The following PLEKHA7 variants were observed in gnomAD, a reference collection of about 807,000 sequenced individuals.
The protein encoded by PLEKHA7 is pleckstrin homology domain containing A7, also known as pleckstrin homology domain-containing family A member 7.
Under a neutral mutation model 170.0 loss-of-function variants are expected in PLEKHA7, and 104 were observed. The observed-to-expected ratio is 0.61, with a 90% CI of 0.52 to 0.72. The LOEUF is 0.72. Ranked by LOEUF, PLEKHA7 falls within the 30% of genes least tolerant of loss-of-function variation. The pLI is 0.00. For synonymous variants in PLEKHA7, 648 were observed against 660.8 expected, an observed-to-expected ratio of 0.98 and a Z score of 0.30; for missense variants, 1,615 against 1,671.7, an observed-to-expected ratio of 0.97 and a Z score of 0.59.
At position 16,841,590 on chromosome 11, in the gene PLEKHA7, T is replaced by C. The variant is rs1162447999; in HGVS notation, c.829A>G (p.Met277Val). 6 of 1,613,896 alleles carry C rather than the reference T, an allele frequency of 3.7e-6. No homozygotes were observed. The highest frequency in any genetic ancestry group is 1.3e-5 in the African/African-American group (1 of 74,918). The change falls in exon 9 of 27, where the codon ATG (methionine) becomes GTG (valine). Residue 277 changes from methionine to valine, a missense_variant. Met to Val is a conservative substitution (Grantham distance 21). Transcript: ENST00000531066. ...GACAGCACCTGTGCAGCCTGGTTCA[T>C]GGCCCTGACCCAAGCGTTCATGTCC... is the stretch of plus-strand genomic sequence containing the variant. Reference protein sequence around the residue: ...QEDMNAWVRAMNQAAQVLSRS... With the variant: ...QEDMNAWVRAVNQAAQVLSRS...
intron 3 of PLEKHA7, among the ~76,000 whole-genome samples, chr11:16,971,656 A>C (rs1418014767): frequency 1.3e-5 from 2 of 152,238 alleles, no homozygotes; most frequent in Non-Finnish European, 2.9e-5. Flanking sequence ...AACCCAAGAA[A>C]GGTCAGGGCA....
chr11:16,873,141 C>T (rs1224277825), intron 3 of PLEKHA7, among the ~76,000 whole-genome samples: 1 of 152,170 alleles, frequency 6.6e-6, no homozygotes, highest in Admixed American at 6.5e-5. Flanking sequence ...ATCAATAGAT[C>T]ATCTCAGTTG....
intron 9 of PLEKHA7, among the ~76,000 whole-genome samples, chr11:16,834,425 G>A (rs980281903): frequency 4.6e-5 from 7 of 152,312 alleles, no homozygotes; most frequent in Middle Eastern, 3.4e-3. Flanking sequence ...GGCAAGAGAT[G>A]AACCAAAGGT....
At chr11:16,994,565 C>T (rs1411693383) in intron 3 of PLEKHA7, among the ~76,000 whole-genome samples, 1 of 152,118 alleles carries the variant, frequency 6.6e-6, no homozygotes, top group South Asian at 2.1e-4. Flanking sequence ...ACCTTCCTCC[C>T]GTACAGCCTC....
intron 7 of PLEKHA7, 83 bp from the exon 8 acceptor site, chr11:16,851,374 C>G (rs1852940054): frequency 1.0e-6 from 1 of 962,710 alleles, no homozygotes; most frequent in Non-Finnish European, 1.5e-6. Context: ...GAACTTCAGC[C>G]AAGTTGTTTC....
intron 3 of PLEKHA7, among the ~76,000 whole-genome samples, chr11:16,895,379 C>T (rs975608429): frequency 6.6e-6 from 1 of 152,218 alleles, no homozygotes; most frequent in Non-Finnish European, 1.5e-5. Flanking sequence ...GAGCACAAAG[C>T]ATCCTCGACT....
chr11:16,933,087 C>A (rs1860055370), intron 3 of PLEKHA7, among the ~76,000 whole-genome samples: 1 of 152,132 alleles, frequency 6.6e-6, no homozygotes, highest in African/African-American at 2.4e-5. Flanking sequence ...GAGGATGGCC[C>A]GGGGATTAAG....
chr11:16,928,214 G>A lies in PLEKHA7; in HGVS notation c.222-57032C>T, dbSNP rs1487389223. On this transcript the variant is annotated intron_variant, in intron 3 of 26. Transcript: ENST00000531066. ...TCCTAGCACTTTGGGCATTGCTGAG[G>A]TGGGAGGATCTCTTGAGCCCAGGAG... Among the ~76,000 whole-genome samples, 8 of 152,154 alleles carry A rather than the reference G, an allele frequency of 5.3e-5. No individual in the cohort carries two copies. The East Asian group carries it at 1.2e-3, about 22-fold the overall frequency.
At chr11:16,845,977 G>A (rs1345537875) in intron 8 of PLEKHA7, among the ~76,000 whole-genome samples, 2 of 152,066 alleles carry the variant, frequency 1.3e-5, no homozygotes, top group Non-Finnish European at 2.9e-5. Flanking sequence ...AGGTAGTGGC[G>A]ACCATTTATT....
intron 3 of PLEKHA7, among the ~76,000 whole-genome samples, chr11:16,904,322 A>T (rs538691252): frequency 1.3e-5 from 2 of 152,298 alleles, no homozygotes; most frequent in East Asian, 3.9e-4. Flanking sequence ...GTACTTCCAA[A>T]GACTATTTCT....
chr11:16,923,382 G>C (rs1050286443), intron 3 of PLEKHA7, among the ~76,000 whole-genome samples: 1 of 152,190 alleles, frequency 6.6e-6, no homozygotes, highest in Non-Finnish European at 1.5e-5. Context: ...GTGTGTTAGG[G>C]GAGGGCTGCC....
intron 4 of PLEKHA7, among the ~76,000 whole-genome samples, chr11:16,867,529 C>T (rs373789): frequency 0.33 from 50,282 of 151,950 alleles, 8,643 homozygotes; most frequent in Non-Finnish European, 0.38. Context: ...CACTACATAA[C>T]AAAATTAAGC....
chr11:16,815,674 C>T (rs1011563363), intron 12 of PLEKHA7, among the ~76,000 whole-genome samples: 14 of 152,088 alleles, frequency 9.2e-5, no homozygotes, highest in Non-Finnish European at 1.8e-4. Flanking sequence ...TACCACCACA[C>T]CCAGATAGTT....
At position 16,826,129 on chromosome 11, in the gene PLEKHA7, T is replaced by C. The variant is rs775930842; in HGVS notation, c.1334A>G (p.Asp445Gly). ...VEHWARAQKGDSRSLPLDQTL... is the reference protein window; with the variant it reads ...VEHWARAQKGGSRSLPLDQTL... ...TGAGTCTATTACTCACCTCCTGCTA[T>C]CCCCTTTCTGGGCCCTTGCCCAGTG... is the stretch of plus-strand genomic sequence containing the variant. Residue 445 changes from aspartate to glycine, a missense_variant, in exon 10 of 27, where the codon GAT becomes GGT. Asp to Gly is a moderately conservative substitution (Grantham distance 94). Coordinates refer to ENST00000531066, the MANE Select transcript of PLEKHA7 (RefSeq NM_001329630.2). The C allele has an allele frequency of 1.9e-6, 3 of 1,613,890 alleles. No individual in the cohort carries two copies. Among genetic ancestry groups the C allele is most frequent in the Non-Finnish European group, 2.5e-6 (3 of 1,179,820 alleles).
chr11:16,784,304 C>T (rs1193713128), intron 24 of PLEKHA7, among the ~76,000 whole-genome samples: 1 of 152,206 alleles, frequency 6.6e-6, no homozygotes, highest in Non-Finnish European at 1.5e-5. Flanking sequence ...TGATCCCCTC[C>T]ACCCCCTCAC....
chr11:16,811,404 G>T (rs1229074481), intron 13 of PLEKHA7, among the ~76,000 whole-genome samples: 2 of 152,206 alleles, frequency 1.3e-5, no homozygotes, highest in African/African-American at 4.8e-5. Context: ...CCCTGGGTCA[G>T]GGGTGACAAG....
Position 16,913,339 on chromosome 11 carries a change from C to A in PLEKHA7, c.222-42157G>T, listed in dbSNP as rs374686271. ...TTGCCCCCACAAGTTCTGCAGAGGG[C>A]GCGGGAGATGCTGGCCCGCACAGCA... On this transcript the variant is annotated intron_variant, in intron 3 of 26. Coordinates refer to ENST00000531066, the MANE Select transcript of PLEKHA7 (RefSeq NM_001329630.2). Among the ~76,000 whole-genome samples, 12 of 152,266 alleles carry A rather than the reference C, an allele frequency of 7.9e-5. No homozygotes were observed. The East Asian group carries it at 2.3e-3, about 29-fold the overall frequency.
intron 3 of PLEKHA7, among the ~76,000 whole-genome samples, chr11:16,878,194 T>C (rs1297178718): frequency 2.0e-5 from 3 of 152,124 alleles, no homozygotes; most frequent in Admixed American, 6.6e-5. Flanking sequence ...GTTGAATTCA[T>C]CCACACTCCT....
intron 3 of PLEKHA7, among the ~76,000 whole-genome samples, chr11:16,882,755 T>C (rs1002305227): frequency 1.3e-5 from 2 of 152,166 alleles, no homozygotes; most frequent in African/African-American, 4.8e-5. Flanking sequence ...AAATAATGAT[T>C]AGATCATAAT....
Sources: gnomAD v4.1 joint callset for allele counts (sites outside exome capture counted in the v4.1 genomes callset) on GRCh38, gnomAD v4.1.1 for gene constraint, MANE v1.5 for transcripts, NCBI Gene and HGNC (gene_info 2026-07-23, HGNC 2026-07-21) for gene names.